TUT4: variants seen among roughly 807,000 people sequenced by gnomAD.
The protein encoded by TUT4 is terminal uridylyl transferase 4.
TUT4 carries 36 observed loss-of-function variants against 192.2 expected under a neutral mutation model. The observed-to-expected ratio is 0.19, with a 90% confidence interval of 0.14 to 0.25. The LOEUF (loss-of-function observed/expected upper bound fraction) is 0.25, where lower values mean the gene tolerates loss of function less well. TUT4 is among the 10% of genes least tolerant of loss of function. The pLI, the probability that TUT4 is intolerant of heterozygous loss-of-function variation, is 1.00. For synonymous variants in TUT4, 618 were observed against 666.0 expected (o/e 0.93, Z 1.11); for missense variants, 1,493 against 1,957.2 (o/e 0.76, Z 4.47).
rs1662183567 is a variant in TUT4, at chr1:52,460,234, CA to C, written c.3321+899del. Among the ~76,000 whole-genome samples, 3 of 152,118 alleles carry C rather than the reference CA, an allele frequency of 2.0e-5. No homozygotes were observed. In the South Asian group the frequency reaches 6.2e-4, roughly 31 times the overall value. Reference sequence around the variant, plus strand: ...TTCCAGTCAGGCACAATAATCCCAGCACTTTGGGAGGCCGAGGCTGGAGGAT... The same window carrying C: ...TTCCAGTCAGGCACAATAATCCCAGCCTTTGGGAGGCCGAGGCTGGAGGAT... On this transcript the variant is annotated intron_variant, in intron 19 of 29. Coordinates refer to ENST00000257177, the MANE Select transcript of TUT4 (RefSeq NM_001009881.3).
At chr1:52,520,628 C>G (rs1360329536) in intron 2 of TUT4, among the ~76,000 whole-genome samples, 1 of 152,284 alleles carries the variant, frequency 6.6e-6, no homozygotes, top group African/African-American at 2.4e-5. Flanking sequence ...CTCAAATATT[C>G]ACCTGGCTGG....
Position 52,445,941 on chromosome 1 carries a change from T to C in TUT4, c.3739+16A>G, listed in dbSNP as rs1657409157. 1.9e-6 allele frequency: 3 copies of C among 1,606,092 alleles called. No individual in the cohort carries two copies. The highest frequency in any genetic ancestry group is 1.3e-5 in the African/African-American group (1 of 74,394). On this transcript the variant is annotated intron_variant, in intron 23 of 29. Coordinates refer to ENST00000257177, the MANE Select transcript of TUT4 (RefSeq NM_001009881.3). ...CAGAGTTTTAAAATCAGAGAATCTC[T>C]ATATTTAAAACTTACTTTTTCTGGA...
chr1:52,539,920 C>A (rs865965115), intron 1 of TUT4, among the ~76,000 whole-genome samples: 4,378 of 136,102 alleles, frequency 0.032, 207 homozygotes, highest in African/African-American at 0.12. Context: ...AAAAAAAAAA[C>A]AAAAAAAACA....
At chr1:52,453,529 T>TTA (rs765302963) in intron 20 of TUT4, among the ~76,000 whole-genome samples, 1 of 141,520 alleles carries the variant, frequency 7.1e-6, no homozygotes, top group East Asian at 2.0e-4. Context: ...CATTCATGAT[T>TTA]AAAAAAAAAA....
At chr1:52,482,793 T>A (rs143753418) in intron 9 of TUT4, among the ~76,000 whole-genome samples, 3 of 152,258 alleles carry the variant, frequency 2.0e-5, no homozygotes, top group East Asian at 1.9e-4. Context: ...TACGTAACAG[T>A]TCCCCCATTC....
chr1:52,523,842 G>T (rs562240133), intron 2 of TUT4, among the ~76,000 whole-genome samples: 1 of 152,210 alleles, frequency 6.6e-6, no homozygotes, highest in East Asian at 1.9e-4. Flanking sequence ...CATCATCTGT[G>T]TACCACAAGA....
In TUT4 at chr1:52,525,673, T is replaced by C; in HGVS notation, c.608A>G (p.Lys203Arg). Reference protein sequence around the residue: ...KVNIEAVGGEKCALQNSPRSQ... With the variant: ...KVNIEAVGGERCALQNSPRSQ... The stretch of plus-strand genomic sequence containing the variant: ...TCGTGGTGAGTTTTGCAGAGCACAT[T>C]TTTCTCCCCCTACAGCTTCAATATT... The change falls in exon 2 of 30, where the codon AAA (lysine) becomes AGA (arginine). Residue 203 changes from lysine to arginine, a missense_variant. By Grantham distance (26) the Lys-to-Arg change is conservative. Coordinates refer to ENST00000257177, the MANE Select transcript of TUT4 (RefSeq NM_001009881.3). 6.2e-7 allele frequency: 1 copy of C among 1,614,122 alleles called. No homozygotes were observed. The highest frequency in any genetic ancestry group is 1.7e-5 in the Admixed American group (1 of 60,004).
At chr1:52,468,338 T>C in intron 14 of TUT4, 71 bp from the exon 15 acceptor site, 2 of 1,205,584 alleles carry the variant, frequency 1.7e-6, no homozygotes, top group Non-Finnish European at 2.3e-6. Flanking sequence ...CATCTTCAAG[T>C]TTTTACCCTA....
At chr1:52,468,693 T>C (rs958591244) in intron 14 of TUT4, among the ~76,000 whole-genome samples, 7 of 152,290 alleles carry the variant, frequency 4.6e-5, no homozygotes, top group Admixed American at 1.3e-4. Flanking sequence ...AAAATTTCTA[T>C]CTTCCCTATA....
chr1:52,527,767 C>A (rs1682211693), intron 1 of TUT4, among the ~76,000 whole-genome samples: 1 of 152,076 alleles, frequency 6.6e-6, no homozygotes. Flanking sequence ...CTGTAATAAA[C>A]ATGCTACTCT....
intron 4 of TUT4, among the ~76,000 whole-genome samples, chr1:52,508,777 C>T (rs1225746856): frequency 2.0e-5 from 3 of 152,128 alleles, no homozygotes; most frequent in Non-Finnish European, 4.4e-5. Context: ...ATTATTACTG[C>T]TGTTGTAACT....
chr1:52,423,947 G>A lies in TUT4; in HGVS notation c.4926C>T (p.Asn1642=), dbSNP rs777665648. 5.6e-6 allele frequency: 9 copies of A among 1,613,118 alleles called. No individual in the cohort carries two copies. Among genetic ancestry groups the A allele is most frequent in the Non-Finnish European group, 7.6e-6 (9 of 1,179,662 alleles). The change falls in exon 30 of 30, where the codon AAC becomes AAT. Residue 1642 remains asparagine (N), a synonymous_variant. Coordinates refer to ENST00000257177, the MANE Select transcript of TUT4 (RefSeq NM_001009881.3). Reference sequence around the variant, plus strand: ...AAATGGACTCGCATTACTCCGACACGTTTCCTCTTGGTGGGTGGGGACAAC... The same window carrying A: ...AAATGGACTCGCATTACTCCGACACATTTCCTCTTGGTGGGTGGGGACAAC... ...RERCPHPPRG[N]VSE
At chr1:52,429,081 G>A (rs1208443394) in intron 28 of TUT4, among the ~76,000 whole-genome samples, 2 of 148,898 alleles carry the variant, frequency 1.3e-5, no homozygotes, top group African/African-American at 5.0e-5. Flanking sequence ...TTCCATAATA[G>A]GTTTTTTTTT....
At chr1:52,515,746 GA>G (rs1678551720) in intron 3 of TUT4, 144 bp downstream of exon 3, 1 of 887,030 alleles carries the variant, frequency 1.1e-6, no homozygotes, top group Admixed American at 2.7e-5. Flanking sequence ...AGGGAAAGAA[GA>G]AGAAAGGTAG....
At chr1:52,451,902 A>G (rs1202981359) in intron 20 of TUT4, among the ~76,000 whole-genome samples, 2 of 152,078 alleles carry the variant, frequency 1.3e-5, no homozygotes, top group East Asian at 3.9e-4. Context: ...GAAAATCTGA[A>G]TGGGCCTATA....
chr1:52,445,087 A>T (rs972628325), intron 24 of TUT4, among the ~76,000 whole-genome samples: 1 of 151,382 alleles, frequency 6.6e-6, no homozygotes, highest in Non-Finnish European at 1.5e-5. Flanking sequence ...TATATATCCT[A>T]TTAGCTCTGT....
Position 52,436,796 on chromosome 1 carries a change from G to C in TUT4, c.4121C>G (p.Pro1374Arg). ...CCTCTGACGGGCCAGCTTGACCTCT[G>C]GGCACTCCCTTCGTACATGTCCAGC... is the stretch of plus-strand genomic sequence containing the variant. Reference protein sequence around the residue: ...GDAGHVRRECPEVKLARQRNS... With the variant: ...GDAGHVRRECREVKLARQRNS... Residue 1374 changes from proline to arginine, a missense_variant, in exon 26 of 30, where the codon CCA becomes CGA. By Grantham distance (103) the Pro-to-Arg change is moderately radical. Transcript: ENST00000257177. 1.2e-6 allele frequency: 2 copies of C among 1,613,450 alleles called. No homozygotes were observed. The highest frequency in any genetic ancestry group is 1.7e-6 in the Non-Finnish European group (2 of 1,179,998).
chr1:52,487,321 C>T (rs879775949), intron 9 of TUT4, among the ~76,000 whole-genome samples: 39 of 151,854 alleles, frequency 2.6e-4, no homozygotes, highest in Admixed American at 4.6e-4. Context: ...CACGTTGGTA[C>T]ACGCCTGTGG....
chr1:52,446,068 A>ATTCT, intron 22 of TUT4, 64 bp from the exon 23 acceptor site: 1 of 1,487,466 alleles, frequency 6.7e-7, no homozygotes, highest in Non-Finnish European at 9.2e-7. Flanking sequence ...TATACTTAGA[A>ATTCT]GTCACCGCTG....
Sources: gnomAD v4.1 joint callset for allele counts (sites outside exome capture counted in the v4.1 genomes callset) on GRCh38, gnomAD v4.1.1 for gene constraint, MANE v1.5 for transcripts, NCBI Gene and HGNC (gene_info 2026-07-23, HGNC 2026-07-21) for gene names.